The following INSL6 variants were observed in gnomAD, a reference collection of about 807,000 sequenced individuals.
The protein encoded by INSL6 is insulin-like peptide INSL6.
In INSL6, 16 loss-of-function variants were observed where a neutral mutation model predicts 9.4. The observed-to-expected ratio is 1.70, with a 90% CI of 1.15 to 2.59. The LOEUF is 2.59. INSL6 is among the 30% of genes most tolerant of loss of function. The pLI, the probability that INSL6 is intolerant of heterozygous loss-of-function variation, is 0.00. For missense variants in INSL6, 391 were observed against 257.3 expected (o/e 1.52, Z -3.56); for synonymous variants, 154 against 96.9 (o/e 1.59, Z -3.46).
the INSL6 span, chr9:5,054,893 T>C: frequency 6.5e-7 from 1 of 1,539,358 alleles, no homozygotes; most frequent in Non-Finnish European, 8.8e-7. This position sits in a 1 kb window ranked among gnomAD's most constrained non-coding sequence, Gnocchi z 4.9. Flanking sequence ...AGGTAATCCT[T>C]AATGATATGT....
chr9:5,008,097 T>C, the INSL6 span, among the ~76,000 whole-genome samples: 1 of 152,230 alleles, frequency 6.6e-6, no homozygotes, highest in Non-Finnish European at 1.5e-5. Flanking sequence ...GAAGCTGAGT[T>C]TCACATTTTT....
rs530286265 is a variant in INSL6 at position 5,132,298 on chromosome 9, A to G, written c.*10+1127T>C. ...ATCTGAGATCTAAAGAATGATGAAC[A>G]TGGTGCTAGGAAAAAAGAATTTCAG... On this transcript the variant is annotated intron_variant, in intron 3 of 3. Coordinates refer to the INSL6 transcript ENST00000649639. 1.8e-4 allele frequency among the ~76,000 whole-genome samples: 27 copies of G among 152,236 alleles called. 1 individual carries two copies. Among genetic ancestry groups the G allele is most frequent in the Admixed American group, 1.6e-3 (25 of 15,292 alleles).
chr9:5,047,560 G>A, the INSL6 span, among the ~76,000 whole-genome samples: 1 of 152,212 alleles, frequency 6.6e-6, no homozygotes, highest in Non-Finnish European at 1.5e-5. Flanking sequence ...TTTTGTGACT[G>A]TGACTGTTTT....
the INSL6 span, among the ~76,000 whole-genome samples, chr9:5,040,585 C>G: frequency 6.6e-6 from 1 of 152,172 alleles, no homozygotes. Flanking sequence ...TGTCTTATCT[C>G]CAGAATATAA....
the INSL6 span, among the ~76,000 whole-genome samples, chr9:5,007,606 T>C: frequency 6.8e-6 from 1 of 146,626 alleles, no homozygotes; most frequent in South Asian, 2.1e-4. Context: ...TGCAACTTAA[T>C]ATACTTTTAT....
chr9:5,075,988 G>A, the INSL6 span, among the ~76,000 whole-genome samples: 1 of 152,094 alleles, frequency 6.6e-6, no homozygotes, highest in African/African-American at 2.4e-5. Flanking sequence ...TGACTTTGAG[G>A]GATATGGTAC....
chr9:5,168,911 G>C (rs889521608), intron 1 of INSL6, among the ~76,000 whole-genome samples: 1 of 146,976 alleles, frequency 6.8e-6, no homozygotes, highest in Non-Finnish European at 1.5e-5. Context: ...AGAGACGGGC[G>C]GCCAATATTT....
chr9:5,153,264 C>T (rs927078276), intron 2 of INSL6, among the ~76,000 whole-genome samples: 1 of 152,134 alleles, frequency 6.6e-6, no homozygotes, highest in Non-Finnish European at 1.5e-5. Context: ...CCCACCCCCA[C>T]GGAGCCCAAC....
chr9:5,109,931 C>G, the INSL6 span: 6 of 152,164 alleles, frequency 3.9e-5, no homozygotes, highest in African/African-American at 1.4e-4. Context: ...TACTAACTGG[C>G]TGACAATATG....
chr9:5,150,813 TA>T (rs1824696210), intron 2 of INSL6, among the ~76,000 whole-genome samples: 1 of 150,866 alleles, frequency 6.6e-6, no homozygotes, highest in Non-Finnish European at 1.5e-5. Flanking sequence ...GAAATCAACC[TA>T]AGTATCCATC....
chr9:5,159,305 T>C (rs1308767777), downstream of INSL6, among the ~76,000 whole-genome samples: 2 of 151,116 alleles, frequency 1.3e-5, no homozygotes, highest in South Asian at 2.1e-4. Context: ...AATAACAAAA[T>C]TGAATGTGAG....
the INSL6 span, chr9:5,041,575 A>G: frequency 3.9e-6 from 2 of 511,250 alleles, no homozygotes; most frequent in Non-Finnish European, 7.9e-6. Context: ...TACCTGCACT[A>G]CGTGCGGCGC....
At chr9:5,111,443 G>A in the INSL6 span, 6 of 393,794 alleles carry the variant, frequency 1.5e-5, no homozygotes, top group East Asian at 3.9e-4. Flanking sequence ...GGTCCCGCCT[G>A]GTCTTCCATC....
downstream of INSL6, among the ~76,000 whole-genome samples, chr9:5,163,459 A>G (rs12353371): frequency 2.0e-3 from 308 of 152,330 alleles, 1 homozygote; most frequent in African/African-American, 7.0e-3. Flanking sequence ...AACTACTATT[A>G]CAGCACAAGG....
intron 1 of INSL6, among the ~76,000 whole-genome samples, chr9:5,165,467 A>T (rs191301374): frequency 7.0e-4 from 106 of 152,236 alleles, no homozygotes; most frequent in Non-Finnish European, 1.2e-3. Flanking sequence ...GATTATCACC[A>T]TGGATGCACA....
the INSL6 span, among the ~76,000 whole-genome samples, chr9:5,021,600 A>G: frequency 6.6e-6 from 1 of 152,066 alleles, no homozygotes; most frequent in Non-Finnish European, 1.5e-5. Flanking sequence ...TGCCTTATCA[A>G]TATTATTTCC....
the INSL6 span, among the ~76,000 whole-genome samples, chr9:5,083,888 T>G: frequency 6.6e-6 from 1 of 152,198 alleles, no homozygotes; most frequent in Non-Finnish European, 1.5e-5. Flanking sequence ...ACTACACAAT[T>G]TCTTTCAATA....
At chr9:5,176,683 G>A (rs141480843) in intron 1 of INSL6, among the ~76,000 whole-genome samples, 146 of 150,566 alleles carry the variant, frequency 9.7e-4, no homozygotes, top group African/African-American at 3.3e-3. Flanking sequence ...TTAAATGCGT[G>A]CCCTTTAAGC....
At chr9:5,030,613 C>A in the INSL6 span, among the ~76,000 whole-genome samples, 1 of 152,234 alleles carries the variant, frequency 6.6e-6, no homozygotes, top group East Asian at 1.9e-4. Context: ...AATTGGGAGT[C>A]AGGTTCAAAT....
Sources: allele counts gnomAD v4.1 joint callset (sites outside exome capture counted in the v4.1 genomes callset), GRCh38; gene constraint gnomAD v4.1.1; non-coding constraint Gnocchi (gnomAD v3.1); transcripts MANE v1.5; gene names NCBI Gene and HGNC (gene_info 2026-07-23, HGNC 2026-07-21).